The following IGF1R variants were observed in gnomAD, a reference collection of about 807,000 sequenced individuals.
IGF1R encodes insulin like growth factor 1 receptor.
A neutral mutation model predicts 144.6 loss-of-function variants in IGF1R; 44 were observed. The ratio of observed to expected loss-of-function variants is 0.30; its 90% CI spans 0.24 to 0.39. The LOEUF (loss-of-function observed/expected upper bound fraction) is 0.39, where lower values mean the gene tolerates loss of function less well. Among genes scored for constraint, IGF1R ranks in the 10% least tolerant of loss-of-function variants. IGF1R has a pLI of 1.00. For synonymous variants in IGF1R, 795 were observed against 722.8 expected (o/e 1.10, Z -1.60); for missense variants, 1,355 against 1,833.7 (o/e 0.74, Z 4.77).
At chr15:98,846,699 A>T (rs1385115262) in intron 2 of IGF1R, among the ~76,000 whole-genome samples, 1 of 152,190 alleles carries the variant, frequency 6.6e-6, no homozygotes, top group African/African-American at 2.4e-5. Context: ...GTTCATCGAG[A>T]GGGGCAGTGT....
intron 2 of IGF1R, among the ~76,000 whole-genome samples, chr15:98,792,626 A>G (rs2056153105): frequency 6.6e-6 from 1 of 152,184 alleles, no homozygotes; most frequent in South Asian, 2.1e-4. Flanking sequence ...TCATATATGT[A>G]TTATATATTT....
chr15:98,721,353 T>A (rs1046309988), intron 2 of IGF1R, among the ~76,000 whole-genome samples: 5 of 152,216 alleles, frequency 3.3e-5, no homozygotes, highest in African/African-American at 1.2e-4. Flanking sequence ...ACTTGTGGGT[T>A]AGGACTCATG....
Position 98,649,555 on chromosome 15 carries a change from A to AT in IGF1R, c.-27_-26insT. ...TTTTTTTTTTTTTTTTTTTTGAGAA[A>AT]GGGGAATTTCATCCCAAATAAAAGG... On this transcript the variant is annotated 5_prime_UTR_variant, in exon 1 of 21. The change creates a new upstream start codon in the 5' untranslated region. Transcript: ENST00000650285. 1 of 948,946 alleles carries AT rather than the reference A, an allele frequency of 1.1e-6. No individual in the cohort carries two copies. The highest frequency in any genetic ancestry group is 1.6e-6 in the Non-Finnish European group (1 of 626,988). 58.8% of individuals were successfully genotyped at this position (948,946 alleles called of 1,614,324 possible).
chr15:98,674,275 G>A (rs1032174016), intron 1 of IGF1R, among the ~76,000 whole-genome samples: 4 of 152,194 alleles, frequency 2.6e-5, no homozygotes, highest in African/African-American at 9.7e-5. Context: ...AGGAGAAACT[G>A]TTAGCTCCAT....
At position 98,964,019 on chromosome 15, in the gene IGF1R, C is replaced by G; in HGVS notation, c.*6577C>G. ...ATGTTTGGCGTTGCACACACACATCCACCGGTGGAAGAGACGCCCGGTGAA... is the reference window on the plus strand; with the variant it reads ...ATGTTTGGCGTTGCACACACACATCGACCGGTGGAAGAGACGCCCGGTGAA... On this transcript the variant is annotated 3_prime_UTR_variant, in exon 21 of 21. Transcript: ENST00000650285. 4.3e-6 allele frequency: 1 copy of G among 233,150 alleles called. No individual in the cohort carries two copies. The highest frequency in any genetic ancestry group is 8.5e-6 in the Non-Finnish European group (1 of 117,746). 14.4% of individuals were successfully genotyped at this position (233,150 alleles called of 1,614,324 possible).
chr15:98,726,886 A>G (rs1291398991), intron 2 of IGF1R, among the ~76,000 whole-genome samples: 1 of 151,720 alleles, frequency 6.6e-6, no homozygotes, highest in Non-Finnish European at 1.5e-5. Context: ...TGCCCGGCTA[A>G]TTTTTTGTAT....
At chr15:98,666,370 C>T (rs1426063769) in intron 1 of IGF1R, among the ~76,000 whole-genome samples, 1 of 151,980 alleles carries the variant, frequency 6.6e-6, no homozygotes, top group East Asian at 1.9e-4. Context: ...CCAGCAATTC[C>T]ACTTTGGGGT....
chr15:98,908,110 C>T lies in IGF1R; in HGVS notation c.1248-575C>T, dbSNP rs577227753. Among the ~76,000 whole-genome samples the T allele has an allele frequency of 2.0e-5, 3 of 152,322 alleles. No individual in the cohort carries two copies. The East Asian group carries it at 5.8e-4, about 29-fold the overall frequency. On this transcript the variant is annotated intron_variant, in intron 5 of 20. Transcript: ENST00000650285. ...CATGTTAGTGGCTCTTCCTCCTCCCCCACACCTCCAGGGACTGGAGCTGGG... is the reference window on the plus strand; with the variant it reads ...CATGTTAGTGGCTCTTCCTCCTCCCTCACACCTCCAGGGACTGGAGCTGGG...
chr15:98,874,038 C>T (rs768257544), intron 2 of IGF1R, among the ~76,000 whole-genome samples: 5 of 151,984 alleles, frequency 3.3e-5, no homozygotes, highest in East Asian at 1.9e-4. Context: ...CTTCCTCTGC[C>T]GGGGGTTTAG....
chr15:98,788,943 T>A (rs12908948), intron 2 of IGF1R, among the ~76,000 whole-genome samples: 1 of 152,198 alleles, frequency 6.6e-6, no homozygotes, highest in Non-Finnish European at 1.5e-5. Context: ...TGAAGAATTT[T>A]TATGCTCCAT....
At position 98,961,533 on chromosome 15, in the gene IGF1R, G is replaced by C. The variant is rs1224273986; in HGVS notation, c.*4091G>C. 1 of 233,502 alleles carries C rather than the reference G, an allele frequency of 4.3e-6. No homozygotes were observed. Among genetic ancestry groups the C allele is most frequent in the Admixed American group, 5.6e-5 (1 of 17,772 alleles). The allele number at this position is 233,502 out of a possible 1,614,324, so 14.5% of individuals were successfully genotyped here. ...CTTCATGCTGATTTCTCTGCCTCTTGATTTTTCTCTGTGTGTTCCAAATAA... is the reference window on the plus strand; with the variant it reads ...CTTCATGCTGATTTCTCTGCCTCTTCATTTTTCTCTGTGTGTTCCAAATAA... On this transcript the variant is annotated 3_prime_UTR_variant, in exon 21 of 21. Coordinates refer to ENST00000650285, the MANE Select transcript of IGF1R (RefSeq NM_000875.5).
Position 98,891,421 on chromosome 15 carries a change from C to G in IGF1R, c.737C>G (p.Thr246Arg), listed in dbSNP as rs1297968262. ...LGSCSAPDND[T>R]ACVACRHYYY... The stretch of plus-strand genomic sequence containing the variant: ...AGCTGCAGCGCGCCTGACAACGACA[C>G]GGCCTGTGTAGCTTGCCGCCACTAC... The change falls in exon 3 of 21, where the codon ACG becomes AGG. Residue 246 changes from threonine to arginine, a missense_variant. By Grantham distance (71) the Thr-to-Arg change is moderately conservative. This residue lies in a region of IGF1R where 880 missense variants were observed against 1,202.7 expected (regional missense o/e 0.73). Transcript: ENST00000650285. The surrounding 1 kb of genome is among the most constrained non-coding windows in gnomAD (Gnocchi z 4.7). 6.2e-7 allele frequency: 1 copy of G among 1,613,736 alleles called. No individual in the cohort carries two copies. Among genetic ancestry groups the G allele is most frequent in the Non-Finnish European group, 8.5e-7 (1 of 1,180,000 alleles).
At chr15:98,798,012 A>C (rs2056286657) in intron 2 of IGF1R, among the ~76,000 whole-genome samples, 1 of 152,254 alleles carries the variant, frequency 6.6e-6, no homozygotes, top group Admixed American at 6.5e-5. Context: ...GGTAGGCCCC[A>C]GCGAGGGAAA....
intron 5 of IGF1R, among the ~76,000 whole-genome samples, chr15:98,907,912 A>G (rs895831982): frequency 2.0e-5 from 3 of 152,258 alleles, no homozygotes; most frequent in Non-Finnish European, 4.4e-5. Context: ...AGCAGGGGTC[A>G]GCACCACCTG....
chr15:98,740,117 A>T (rs953781405), intron 2 of IGF1R, among the ~76,000 whole-genome samples: 1 of 152,222 alleles, frequency 6.6e-6, no homozygotes, highest in Non-Finnish European at 1.5e-5. Context: ...ACTATAATCC[A>T]TTATTTACTT....
At chr15:98,865,412 G>T (rs896715137) in intron 2 of IGF1R, among the ~76,000 whole-genome samples, 18 of 152,198 alleles carry the variant, frequency 1.2e-4, no homozygotes, top group Non-Finnish European at 1.9e-4. Flanking sequence ...TGGATCGCTG[G>T]CTGGGCTCCT....
Position 98,649,488 on chromosome 15 carries a change from A to G in IGF1R, c.-94A>G. On this transcript the variant is annotated 5_prime_UTR_variant, in exon 1 of 21. Coordinates refer to ENST00000650285, the MANE Select transcript of IGF1R (RefSeq NM_000875.5). ...AGGGGGAGCGAAGACTGAGTTTGAG[A>G]CTTGTTTCCTTTCATTTCCTTTTTT... 1 of 872,346 alleles carries G rather than the reference A, an allele frequency of 1.1e-6. No individual in the cohort carries two copies. Among genetic ancestry groups the G allele is most frequent in the Non-Finnish European group, 1.8e-6 (1 of 555,538 alleles). The allele number at this position is 872,346 out of a possible 1,614,324, so 54.0% of individuals were successfully genotyped here. A position where few individuals can be genotyped will look rare whatever the true frequency, so the allele number is the denominator to read the frequency against.
In IGF1R at chr15:98,694,011, A is replaced by AGCATGCTGCTTG. The variant is rs1390336770; in HGVS notation, c.95-13547_95-13536dup. Among the ~76,000 whole-genome samples the AGCATGCTGCTTG allele has an allele frequency of 5.9e-5, 9 of 152,362 alleles. No homozygotes were observed. The East Asian group carries it at 1.7e-3, about 29-fold the overall frequency. On this transcript the variant is annotated intron_variant, in intron 1 of 20. Transcript: ENST00000650285. ...AATGGGAGACATTTCTGACTTTGTC[A>AGCATGCTGCTTG]GCATGCTGCTTGGCAGCACCTGCCT...
chr15:98,831,318 T>TC (rs1251507374), intron 2 of IGF1R, among the ~76,000 whole-genome samples: 1 of 152,234 alleles, frequency 6.6e-6, no homozygotes, highest in Non-Finnish European at 1.5e-5. Flanking sequence ...TCCACCAGAA[T>TC]CCATCTCACC....
Sources: gnomAD v4.1 joint callset for allele counts (sites outside exome capture counted in the v4.1 genomes callset) on GRCh38, gnomAD v4.1.1 for gene constraint, gnomAD v4.1.1 regional missense constraint, Gnocchi (gnomAD v3.1) non-coding constraint, MANE v1.5 for transcripts, NCBI Gene and HGNC (gene_info 2026-07-23, HGNC 2026-07-21) for gene names.